PAM: variants seen among roughly 807,000 people sequenced by gnomAD.
PAM encodes the protein peptidylglycine alpha-amidating monooxygenase.
PAM carries 72 observed loss-of-function variants against 122.1 expected under a neutral mutation model. That is an observed-to-expected ratio of 0.59 (90% CI 0.49 to 0.72). PAM has a LOEUF of 0.72. Among genes scored for constraint, PAM ranks in the 30% least tolerant of loss-of-function variants. The probability of loss-of-function intolerance (pLI) is 0.00; values close to 1 mark genes in which losing one functional copy is unlikely to be tolerated. For synonymous variants in PAM, 389 were observed against 404.4 expected (o/e 0.96, Z 0.46); for missense variants, 1,106 against 1,183.7 (o/e 0.93, Z 0.96).
At chr5:103,021,244 T>C (rs1196253188) in intron 23 of PAM, among the ~76,000 whole-genome samples, 2 of 152,188 alleles carry the variant, frequency 1.3e-5, no homozygotes, top group African/African-American at 4.8e-5. Flanking sequence ...CCTGCACTCT[T>C]AACCACTATT....
Position 102,991,718 on chromosome 5 carries a change from G to C in PAM, c.1613+1317G>C, listed in dbSNP as rs146762781. 9.9e-4 allele frequency among the ~76,000 whole-genome samples: 150 copies of C among 152,262 alleles called. 1 individual carries two copies. Among genetic ancestry groups the C allele is most frequent in the African/African-American group, 3.5e-3 (147 of 41,554 alleles). On this transcript the variant is annotated intron_variant, in intron 16 of 25. Coordinates refer to ENST00000438793, the MANE Select transcript of PAM (RefSeq NM_001177306.2). ...GGAATCTGAAAAAGATCACTTCAGA[G>C]TTCAAAGTAAATAATCAAACTCAAC...
At chr5:102,931,474 A>G (rs76319645) in intron 7 of PAM, among the ~76,000 whole-genome samples, 2,342 of 152,214 alleles carry the variant, frequency 0.015, 45 homozygotes, top group African/African-American at 0.052. Context: ...CCGAAGTGAA[A>G]ATTCTCCTGA....
intron 1 of PAM, among the ~76,000 whole-genome samples, chr5:102,852,693 T>G (rs1212979648): frequency 6.6e-6 from 1 of 152,210 alleles, no homozygotes; most frequent in Non-Finnish European, 1.5e-5. Context: ...ATAAAATTTA[T>G]GCATATATGC....
At chr5:102,865,221 A>T (rs887850965) in intron 1 of PAM, 5 of 152,232 alleles carry the variant, frequency 3.3e-5, no homozygotes, top group Non-Finnish European at 5.9e-5. Flanking sequence ...TGTTTGTTTT[A>T]AAATAATTCT....
chr5:102,924,774 T>C (rs1355856684), intron 5 of PAM, among the ~76,000 whole-genome samples, 183 bp from the exon 6 acceptor site: 4 of 152,214 alleles, frequency 2.6e-5, no homozygotes, highest in Non-Finnish European at 4.4e-5. Context: ...ATGTGCTTTT[T>C]TTCACACAGT....
intron 16 of PAM, among the ~76,000 whole-genome samples, chr5:102,991,729 A>C (rs1774143792): frequency 6.6e-6 from 1 of 152,212 alleles, no homozygotes; most frequent in Admixed American, 6.6e-5. Context: ...TTCAAAGTAA[A>C]TAATCAAACT....
chr5:102,890,316 T>C (rs1794421043), intron 3 of PAM, among the ~76,000 whole-genome samples: 1 of 151,894 alleles, frequency 6.6e-6, no homozygotes, highest in South Asian at 2.1e-4. Context: ...AATGTGAGGT[T>C]GATAATCCAT....
At chr5:102,836,593 T>C (rs1580747149) in intron 1 of PAM, among the ~76,000 whole-genome samples, 1 of 152,244 alleles carries the variant, frequency 6.6e-6, no homozygotes, top group South Asian at 2.1e-4. Context: ...ATTGATGCCA[T>C]GGGTGACATC....
At chr5:102,858,792 C>T in intron 1 of PAM, among the ~76,000 whole-genome samples, 1 of 152,178 alleles carries the variant, frequency 6.6e-6, no homozygotes. Flanking sequence ...TAGAAAATCT[C>T]TGGAAATGCA....
chr5:102,759,880 G>C (rs1039199681), intron 1 of PAM, among the ~76,000 whole-genome samples: 4 of 152,180 alleles, frequency 2.6e-5, no homozygotes, highest in Admixed American at 6.5e-5. Flanking sequence ...GAGAATGAGT[G>C]GGAGGAGGCA....
At chr5:102,833,318 G>T (rs1392269070) in intron 1 of PAM, among the ~76,000 whole-genome samples, 1 of 152,092 alleles carries the variant, frequency 6.6e-6, no homozygotes, top group East Asian at 1.9e-4. Context: ...ATTTTTCTTG[G>T]ATGATGCTAT....
chr5:102,804,404 G>T (rs1411327679), intron 1 of PAM, among the ~76,000 whole-genome samples: 2 of 152,128 alleles, frequency 1.3e-5, no homozygotes, highest in Non-Finnish European at 2.9e-5. Flanking sequence ...AAGCTAGAGG[G>T]GCAGTAGTGG....
chr5:102,910,462 C>T (rs370637024), intron 4 of PAM, among the ~76,000 whole-genome samples: 4 of 151,822 alleles, frequency 2.6e-5, no homozygotes, highest in African/African-American at 9.7e-5. Context: ...CTTAGTCCTT[C>T]AAAGGTATTT....
At chr5:102,758,066 G>A (rs1284851757) in intron 1 of PAM, among the ~76,000 whole-genome samples, 2 of 28,252 alleles carry the variant, frequency 7.1e-5, no homozygotes, top group East Asian at 1.2e-3. Context: ...AAAAGACTTA[G>A]AATTTTGTTT....
At chr5:102,876,687 G>A (rs1339819772) in intron 3 of PAM, among the ~76,000 whole-genome samples, 1 of 152,216 alleles carries the variant, frequency 6.6e-6, no homozygotes, top group Non-Finnish European at 1.5e-5. Flanking sequence ...GCTCAGTAGA[G>A]TCAGGGAAGT....
intron 17 of PAM, among the ~76,000 whole-genome samples, chr5:103,003,860 CA>C (rs1778143131): frequency 6.6e-6 from 1 of 151,668 alleles, no homozygotes; most frequent in South Asian, 2.1e-4. Flanking sequence ...GAATACTAAA[CA>C]AATGTCATTT....
At chr5:103,002,555 T>C (rs1457359770) in intron 16 of PAM, among the ~76,000 whole-genome samples, 2 of 152,196 alleles carry the variant, frequency 1.3e-5, no homozygotes, top group Non-Finnish European at 2.9e-5. Context: ...TAAAGTATAA[T>C]AACGAACATT....
chr5:102,847,779 G>T (rs1372774641), intron 1 of PAM, among the ~76,000 whole-genome samples: 1 of 152,070 alleles, frequency 6.6e-6, no homozygotes, highest in Non-Finnish European at 1.5e-5. Context: ...ATATCCTAAA[G>T]AAACTCAATT....
intron 1 of PAM, among the ~76,000 whole-genome samples, chr5:102,810,601 C>G (rs976182434): frequency 6.6e-6 from 1 of 152,136 alleles, no homozygotes; most frequent in Non-Finnish European, 1.5e-5. Context: ...GAGGCTGAGG[C>G]AGGCAGATCA....
Sources: allele counts gnomAD v4.1 joint callset (sites outside exome capture counted in the v4.1 genomes callset), GRCh38; gene constraint gnomAD v4.1.1; transcripts MANE v1.5; gene names NCBI Gene and HGNC (gene_info 2026-07-23, HGNC 2026-07-21).